Variants in CDH22 observed in about 807,000 individuals in gnomAD.
The protein encoded by CDH22 is cadherin 22, also known as cadherin-22.
Under a neutral mutation model 58.4 loss-of-function variants are expected in CDH22, and 30 were observed. The ratio of observed to expected loss-of-function variants is 0.51; its 90% confidence interval spans 0.38 to 0.70. The LOEUF (loss-of-function observed/expected upper bound fraction) is 0.70, where lower values mean the gene tolerates loss of function less well. Among genes scored for constraint, CDH22 ranks in the 30% least tolerant of loss-of-function variants. The pLI is 0.00. For synonymous variants in CDH22, 513 were observed against 558.2 expected (o/e 0.92, Z 1.14); for missense variants, 1,014 against 1,233.9 (o/e 0.82, Z 2.67).
chr20:46,278,197 T>C (rs995443888), intron 1 of CDH22, among the ~76,000 whole-genome samples: 1 of 152,140 alleles, frequency 6.6e-6, no homozygotes, highest in Non-Finnish European at 1.5e-5. Flanking sequence ...ACCCTCCAGT[T>C]CTACACTTCT....
In CDH22 at chr20:46,251,238, C is replaced by A. The variant is rs2086371270; in HGVS notation, c.57G>T (p.Ala19=). 8 of 1,472,766 alleles carry A rather than the reference C, an allele frequency of 5.4e-6. No individual in the cohort carries two copies. In the East Asian group the frequency reaches 2.4e-4, roughly 44 times the overall value. The allele number at this position is 1,472,766 out of a possible 1,614,324, so 91.2% of individuals were successfully genotyped here. Residue 19 remains alanine, a synonymous_variant, in exon 2 of 12, where the codon GCG becomes GCT. Transcript: ENST00000537909. The surrounding 1 kb of genome is among the most constrained non-coding windows in gnomAD (Gnocchi z 6.7). ...GCGGCAGCAGCAGCAGCAGCAGTAGCGCGGGGGACAGCGCGACTCCCGCCC... is the reference window on the plus strand; with the variant it reads ...GCGGCAGCAGCAGCAGCAGCAGTAGAGCGGGGGACAGCGCGACTCCCGCCC... The part of the protein sequence containing the change: ...GLRAGVALSP[A]LLLLLLLPPP...
At chr20:46,246,904 A>G (rs543979400) in intron 2 of CDH22, among the ~76,000 whole-genome samples, 1 of 151,650 alleles carries the variant, frequency 6.6e-6, no homozygotes, top group African/African-American at 2.4e-5. Flanking sequence ...AGAGCGTGGT[A>G]TGAGAGTGTG....
At chr20:46,286,584 G>A (rs2086577779) in intron 1 of CDH22, among the ~76,000 whole-genome samples, 1 of 151,806 alleles carries the variant, frequency 6.6e-6, no homozygotes, top group Admixed American at 6.6e-5. Context: ...TGCGCAGCCA[G>A]CCCCCGATCC....
At chr20:46,281,125 G>A (rs2086548931) in intron 1 of CDH22, among the ~76,000 whole-genome samples, 1 of 152,234 alleles carries the variant, frequency 6.6e-6, no homozygotes, top group African/African-American at 2.4e-5. Flanking sequence ...TAGGGCAGTA[G>A]GGGGCCATTG....
chr20:46,306,841 T>C (rs73908678), intron 1 of CDH22, among the ~76,000 whole-genome samples: 2,533 of 151,418 alleles, frequency 0.017, 48 homozygotes, highest in African/African-American at 0.057. Flanking sequence ...GGGGACGGAG[T>C]GGGCACTGAT....
rs767644336 is a variant in CDH22 at position 46,251,146 on chromosome 20, C to G, written c.149G>C (p.Arg50Pro). 13 of 1,596,384 alleles carry G rather than the reference C, an allele frequency of 8.1e-6. No homozygotes were observed. Among genetic ancestry groups the G allele is most frequent in the Non-Finnish European group, 1.1e-5 (13 of 1,172,516 alleles). Residue 50 changes from arginine to proline, a missense_variant, in exon 2 of 12, where the codon CGG (arginine) becomes CCG (proline). Arg to Pro is a moderately radical substitution (Grantham distance 103). Coordinates refer to ENST00000537909, the MANE Select transcript of CDH22 (RefSeq NM_021248.3). This position sits in a 1 kb window ranked among gnomAD's most constrained non-coding sequence, Gnocchi z 6.7. ...GTPSPSAPGA[R>P]QDGALGAGRV... ...GCCGGCTCCCAGCGCGCCGTCCTGC[C>G]GAGCTCCGGGCGCCGACGGCGAGGG...
intron 3 of CDH22, 151 bp downstream of exon 3, chr20:46,240,812 G>T (rs974390587): frequency 7.3e-6 from 5 of 683,860 alleles, no homozygotes; most frequent in Non-Finnish European, 1.2e-5. Context: ...ACCCCAGGGG[G>T]CACCTGAGCT....
At chr20:46,181,126 C>T (rs192384261) in intron 10 of CDH22, among the ~76,000 whole-genome samples, 97 of 152,138 alleles carry the variant, frequency 6.4e-4, no homozygotes, top group Non-Finnish European at 1.0e-3. Context: ...CCATGCTAGT[C>T]GCCATGAGAA....
intron 1 of CDH22, among the ~76,000 whole-genome samples, chr20:46,280,157 C>A (rs979206578): frequency 9.9e-5 from 15 of 152,168 alleles, no homozygotes; most frequent in African/African-American, 1.9e-4. Flanking sequence ...CGGTAGCTCA[C>A]ACCTGTAATC....
At chr20:46,296,182 A>G (rs1019559597) in intron 1 of CDH22, among the ~76,000 whole-genome samples, 2 of 152,194 alleles carry the variant, frequency 1.3e-5, no homozygotes, top group African/African-American at 2.4e-5. Flanking sequence ...GAGGCACCTG[A>G]GGATGTTACC....
chr20:46,233,275 C>T (rs960304574), intron 3 of CDH22, among the ~76,000 whole-genome samples: 4 of 152,106 alleles, frequency 2.6e-5, no homozygotes, highest in African/African-American at 4.8e-5. Context: ...TTATGGATCC[C>T]GGCCATGGAC....
At chr20:46,185,130 T>TACACAC (rs11467388) in intron 10 of CDH22, among the ~76,000 whole-genome samples, 52 of 148,764 alleles carry the variant, frequency 3.5e-4, no homozygotes, top group Non-Finnish European at 6.4e-4. Context: ...CCCACACGCA[T>TACACAC]ACACACACAC....
intron 2 of CDH22, among the ~76,000 whole-genome samples, chr20:46,246,565 G>A (rs1462644393): frequency 3.9e-5 from 6 of 152,208 alleles, no homozygotes; most frequent in Admixed American, 2.6e-4. Flanking sequence ...GGTGGGTGTC[G>A]TGAGAAGGTT....
intron 7 of CDH22, among the ~76,000 whole-genome samples, chr20:46,204,417 A>AAG (rs1251262818): frequency 0.024 from 2,755 of 113,384 alleles, 368 homozygotes; most frequent in Middle Eastern, 0.055. Flanking sequence ...AAAAAAAAAA[A>AAG]AGAGAGAGAG....
chr20:46,287,531 G>A (rs2086581733), intron 1 of CDH22, among the ~76,000 whole-genome samples: 1 of 151,996 alleles, frequency 6.6e-6, no homozygotes, highest in South Asian at 2.1e-4. Context: ...CCTGGGTAGA[G>A]GCCCTGAGGC....
At chr20:46,258,807 C>T (rs2086418370) in intron 1 of CDH22, among the ~76,000 whole-genome samples, 1 of 152,204 alleles carries the variant, frequency 6.6e-6, no homozygotes, top group Non-Finnish European at 1.5e-5. Context: ...AGGAGGCAGG[C>T]ACGATGTGAG....
chr20:46,285,614 C>G (rs533477905), intron 1 of CDH22, among the ~76,000 whole-genome samples: 22 of 152,336 alleles, frequency 1.4e-4, no homozygotes, highest in Admixed American at 1.2e-3. Context: ...CTGCGGTCAT[C>G]TGATCCAACG....
intron 1 of CDH22, among the ~76,000 whole-genome samples, chr20:46,252,475 G>C (rs1441936150): frequency 6.6e-6 from 1 of 152,224 alleles, no homozygotes; most frequent in African/African-American, 2.4e-5. Flanking sequence ...CTCTCTATCA[G>C]ATCCTGCTTT....
chr20:46,181,217 T>C (rs2085781747), intron 10 of CDH22, among the ~76,000 whole-genome samples: 1 of 152,122 alleles, frequency 6.6e-6, no homozygotes, highest in Non-Finnish European at 1.5e-5. Flanking sequence ...GCTAATCAAA[T>C]AAACCCACAA....
Sources: allele counts gnomAD v4.1 joint callset (sites outside exome capture counted in the v4.1 genomes callset), GRCh38; gene constraint gnomAD v4.1.1; non-coding constraint Gnocchi (gnomAD v3.1); transcripts MANE v1.5; gene names NCBI Gene and HGNC (gene_info 2026-07-23, HGNC 2026-07-21).